The following WDPCP variants were observed in gnomAD, a reference collection of about 807,000 sequenced individuals.
WDPCP encodes WD repeat containing planar cell polarity effector.
A neutral mutation model predicts 93.1 loss-of-function variants in WDPCP; 71 were observed. That is an observed-to-expected ratio of 0.76 (90% CI 0.63 to 0.93). The LOEUF is 0.93. Among genes scored for constraint, WDPCP ranks in the 40% least tolerant of loss-of-function variants. The probability of loss-of-function intolerance (pLI) is 0.00; values close to 1 mark genes in which losing one functional copy is unlikely to be tolerated. For synonymous variants in WDPCP, 315 were observed against 315.0 expected (o/e 1.00, Z 0.00); for missense variants, 844 against 887.4 (o/e 0.95, Z 0.62).
At chr2:63,284,431 A>G (rs191474444) in intron 13 of WDPCP, among the ~76,000 whole-genome samples, 1 of 152,314 alleles carries the variant, frequency 6.6e-6, no homozygotes, top group Non-Finnish European at 1.5e-5. Context: ...ACCTCAGCAT[A>G]TGATTTTTTA....
At chr2:63,314,902 G>A (rs1686516174) in intron 12 of WDPCP, among the ~76,000 whole-genome samples, 1 of 152,152 alleles carries the variant, frequency 6.6e-6, no homozygotes, top group South Asian at 2.1e-4. Flanking sequence ...ATTGGAGAGA[G>A]TGAAATTAAG....
At chr2:63,777,936 A>C (rs1409767638) in intron 2 of WDPCP, among the ~76,000 whole-genome samples, 1 of 152,196 alleles carries the variant, frequency 6.6e-6, no homozygotes, top group Non-Finnish European at 1.5e-5. Flanking sequence ...ATTATACCTC[A>C]ATAAAGCTGT....
intron 12 of WDPCP, among the ~76,000 whole-genome samples, chr2:63,361,854 C>G (rs968332550): frequency 6.6e-6 from 1 of 152,108 alleles, no homozygotes; most frequent in Non-Finnish European, 1.5e-5. Context: ...CCAAGATTCA[C>G]GGTATCTCAG....
At chr2:63,658,853 G>GT (rs1469412454) in intron 2 of WDPCP, among the ~76,000 whole-genome samples, 1 of 152,152 alleles carries the variant, frequency 6.6e-6, no homozygotes, top group Non-Finnish European at 1.5e-5. Flanking sequence ...CACTGCTTTT[G>GT]TTTCCTCAGT....
At chr2:63,589,525 T>C (rs994090358), upstream of WDPCP, 3 of 817,364 alleles carry the variant, frequency 3.7e-6, no homozygotes, top group African/African-American at 5.1e-5. Context: ...CAGATTACGA[T>C]CTGCGTTTGC....
intron 14 of WDPCP, among the ~76,000 whole-genome samples, chr2:63,218,599 G>A (rs552368719): frequency 6.6e-6 from 1 of 151,980 alleles, no homozygotes; most frequent in Non-Finnish European, 1.5e-5. Flanking sequence ...GCCCTATCTC[G>A]GCTCATTGCA....
At chr2:63,277,187 C>T (rs192471902) in intron 13 of WDPCP, among the ~76,000 whole-genome samples, 384 of 151,044 alleles carry the variant, frequency 2.5e-3, no homozygotes, top group Non-Finnish European at 4.6e-3. Context: ...TGAGAGAATT[C>T]GCCACTACCA....
intron 13 of WDPCP, among the ~76,000 whole-genome samples, chr2:63,266,369 C>CA (rs540706593): frequency 6.0e-5 from 9 of 149,752 alleles, no homozygotes; most frequent in African/African-American, 7.4e-5. Context: ...AAAACTTATC[C>CA]AAAAAAAAAT....
At position 63,575,370 on chromosome 2, in the gene WDPCP, G is replaced by GTATATACACGGTATATACAGTA. The variant is rs1558831290; in HGVS notation, c.75+12826_75+12827insTACTGTATATACCGTGTATATA. ...GTATATGGTATATACAGTATATACAGTATATACAGTATATACACGGTATAT... is the reference window on the plus strand; with the variant it reads ...GTATATGGTATATACAGTATATACAGTATATACACGGTATATACAGTATATATACAGTATATACACGGTATAT... On this transcript the variant is annotated intron_variant, in intron 1 of 17. Transcript: ENST00000272321. Among the ~76,000 whole-genome samples, 81 of 128,386 alleles carry GTATATACACGGTATATACAGTA rather than the reference G, an allele frequency of 6.3e-4. 5 individuals are homozygous for GTATATACACGGTATATACAGTA. The highest frequency in any genetic ancestry group is 1.6e-3 in the African/African-American group (55 of 33,556). The allele number at this position is 128,386 out of a possible 152,430, so 84.2% of individuals were successfully genotyped here.
chr2:63,338,434 TC>T (rs1472772743), intron 12 of WDPCP, among the ~76,000 whole-genome samples: 1 of 150,978 alleles, frequency 6.6e-6, no homozygotes, highest in African/African-American at 2.4e-5. Flanking sequence ...TGTGTGTAAT[TC>T]CAGCTACTCC....
intron 14 of WDPCP, 68 bp from the exon 15 acceptor site, chr2:63,174,900 G>C: frequency 1.3e-6 from 2 of 1,535,340 alleles, no homozygotes; most frequent in Non-Finnish European, 1.8e-6. Flanking sequence ...TTATAAGTAA[G>C]ATTACAGAAC....
intron 14 of WDPCP, among the ~76,000 whole-genome samples, chr2:63,237,777 T>C (rs1303854564): frequency 6.6e-6 from 1 of 152,000 alleles, no homozygotes; most frequent in Non-Finnish European, 1.5e-5. Context: ...AGCTAAACCC[T>C]GGGTATACAC....
intron 3 of WDPCP, among the ~76,000 whole-genome samples, chr2:63,601,367 G>C (rs1484146369): frequency 1.3e-5 from 2 of 152,212 alleles, no homozygotes; most frequent in Non-Finnish European, 2.9e-5. Context: ...GAACTTGCCT[G>C]TGTATTTGCA....
At chr2:63,587,748 A>C (rs1708964747) in intron 1 of WDPCP, among the ~76,000 whole-genome samples, 2 of 152,250 alleles carry the variant, frequency 1.3e-5, no homozygotes, top group South Asian at 4.1e-4. Context: ...CTGACTAAAC[A>C]ACCAGTGTCT....
intron 12 of WDPCP, among the ~76,000 whole-genome samples, chr2:63,335,544 C>A (rs2104392207): frequency 6.6e-6 from 1 of 152,114 alleles, no homozygotes; most frequent in African/African-American, 2.4e-5. Context: ...CCACATCAGC[C>A]TCCCAAGTAG....
intron 2 of WDPCP, among the ~76,000 whole-genome samples, chr2:63,677,518 C>T (rs1245456316): frequency 4.6e-5 from 6 of 129,474 alleles, no homozygotes; most frequent in African/African-American, 1.8e-4. Context: ...ATGCACGTGA[C>T]GATAAAAGTA....
chr2:63,197,596 G>C (rs576013101), intron 14 of WDPCP, among the ~76,000 whole-genome samples: 1 of 152,334 alleles, frequency 6.6e-6, no homozygotes, highest in Non-Finnish European at 1.5e-5. Flanking sequence ...TCAATAGAAT[G>C]AGCATGAAGA....
At chr2:63,411,523 T>C (rs10195862) in intron 9 of WDPCP, among the ~76,000 whole-genome samples, 60,616 of 151,548 alleles carry the variant, frequency 0.4, 12,412 homozygotes, top group Non-Finnish European at 0.43. Flanking sequence ...AAGGAAATAA[T>C]CAAGATCAGA....
Position 63,512,334 on chromosome 2 carries a change from G to A in WDPCP, c.76-19394C>T, listed in dbSNP as rs137935339. Reference sequence around the variant, plus strand: ...CAGTCACTGTGTCAGACAGTGTGGCGATTCCTCAAGGATCTAGAACTAGAA... The same window carrying A: ...CAGTCACTGTGTCAGACAGTGTGGCAATTCCTCAAGGATCTAGAACTAGAA... On this transcript the variant is annotated intron_variant, in intron 1 of 17. Transcript: ENST00000272321. Among the ~76,000 whole-genome samples the A allele has an allele frequency of 1.9e-3, 289 of 152,268 alleles. 1 individual carries two copies. The East Asian group carries it at 0.02, about 11-fold the overall frequency.
Sources: allele counts gnomAD v4.1 joint callset (sites outside exome capture counted in the v4.1 genomes callset), GRCh38; gene constraint gnomAD v4.1.1; transcripts MANE v1.5; gene names NCBI Gene and HGNC (gene_info 2026-07-23, HGNC 2026-07-21).